Variants in PID1 observed in about 807,000 individuals in gnomAD.
The protein encoded by PID1 is PTB-containing, cubilin and LRP1-interacting protein.
Under a neutral mutation model 19.1 loss-of-function variants are expected in PID1, and 10 were observed. The ratio of observed to expected loss-of-function variants is 0.52; its 90% CI spans 0.32 to 0.89. The LOEUF (loss-of-function observed/expected upper bound fraction) is 0.89, where lower values mean the gene tolerates loss of function less well. PID1 is among the 40% of genes least tolerant of loss of function. PID1 has a pLI of 0.03. For missense variants in PID1, 248 were observed against 285.3 expected, an observed-to-expected ratio of 0.87 and a Z score of 0.94; for synonymous variants, 130 against 116.0, an observed-to-expected ratio of 1.12 and a Z score of -0.78.
intron 1 of PID1, among the ~76,000 whole-genome samples, chr2:229,241,504 T>A (rs17321741): frequency 6.6e-6 from 1 of 152,032 alleles, no homozygotes. Context: ...AGAAATCTGA[T>A]TGTTGCACAA....
chr2:229,111,077 C>G (rs1338331911), intron 2 of PID1, among the ~76,000 whole-genome samples: 8 of 152,190 alleles, frequency 5.3e-5, no homozygotes, highest in Non-Finnish European at 1.0e-4. Context: ...TTCTCATTCT[C>G]TCCCTTATCT....
intron 2 of PID1, among the ~76,000 whole-genome samples, chr2:229,137,884 G>A (rs1447796154): frequency 6.6e-6 from 1 of 152,120 alleles, no homozygotes; most frequent in Non-Finnish European, 1.5e-5. Flanking sequence ...TGAGACACTG[G>A]AATATTCACA....
intron 1 of PID1, among the ~76,000 whole-genome samples, chr2:229,160,056 T>C (rs570896376): frequency 2.6e-5 from 4 of 152,228 alleles, no homozygotes; most frequent in African/African-American, 9.6e-5. Flanking sequence ...TGGGGGTATC[T>C]CCCCTGTCTG....
At chr2:229,084,541 A>G (rs1694728170) in intron 2 of PID1, among the ~76,000 whole-genome samples, 1 of 152,164 alleles carries the variant, frequency 6.6e-6, no homozygotes, top group Non-Finnish European at 1.5e-5. Flanking sequence ...GTCTCATCCC[A>G]TCCTGCCAAG....
intron 2 of PID1, among the ~76,000 whole-genome samples, chr2:229,118,165 A>C (rs1222945671): frequency 2.0e-5 from 3 of 152,174 alleles, no homozygotes; most frequent in Admixed American, 2.0e-4. Flanking sequence ...TGATTTGTTC[A>C]TTATTTTTCT....
chr2:229,261,598 T>C (rs1690462154), intron 1 of PID1, among the ~76,000 whole-genome samples: 1 of 152,232 alleles, frequency 6.6e-6, no homozygotes, highest in African/African-American at 2.4e-5. Flanking sequence ...AGGTTTGTCA[T>C]GAAAGGATTA....
At chr2:229,240,120 A>C (rs1412930432) in intron 1 of PID1, among the ~76,000 whole-genome samples, 1 of 152,162 alleles carries the variant, frequency 6.6e-6, no homozygotes, top group Non-Finnish European at 1.5e-5. Flanking sequence ...AAAACGTCAC[A>C]TTTTCATTAT....
intron 1 of PID1, chr2:229,236,308 AG>A (rs1689671785): frequency 2.0e-5 from 3 of 152,174 alleles, no homozygotes; most frequent in Admixed American, 2.0e-4. Flanking sequence ...AAGAAGAGGG[AG>A]GAACAGGGGC....
intron 1 of PID1, among the ~76,000 whole-genome samples, chr2:229,253,479 A>T (rs1690207219): frequency 6.6e-6 from 1 of 152,092 alleles, no homozygotes; most frequent in Non-Finnish European, 1.5e-5. Flanking sequence ...ACCTTTCTCC[A>T]AAGATGGGCC....
chr2:229,145,147 A>ATGTGTGTGTG (rs560967818), intron 2 of PID1, among the ~76,000 whole-genome samples: 14,752 of 116,572 alleles, frequency 0.13, 982 homozygotes, highest in East Asian at 0.32. Flanking sequence ...GTTTAAATAT[A>ATGTGTGTGTG]TGTATGTGTA....
rs535308319 is a variant in PID1, at chr2:229,042,699, C to T, written c.178-16591G>A. On this transcript the variant is annotated intron_variant, in intron 2 of 2. Coordinates refer to ENST00000392055, the MANE Select transcript of PID1 (RefSeq NM_001100818.2). ...CAAAAGCTTTCAATGTCATATTCTA[C>T]CTTCTCTTTACAAAATAGAACCCAA... Among the ~76,000 whole-genome samples the T allele has an allele frequency of 2.0e-5, 3 of 152,242 alleles. No individual in the cohort carries two copies. The East Asian group carries it at 5.8e-4, about 29-fold the overall frequency.
intron 1 of PID1, chr2:229,232,176 C>A (rs1049785549): frequency 1.1e-5 from 15 of 1,389,030 alleles, no homozygotes; most frequent in Non-Finnish European, 1.1e-5. Context: ...GTAATCCCAG[C>A]ACTCTGGGAG....
intron 2 of PID1, among the ~76,000 whole-genome samples, chr2:229,041,271 C>T (rs1693765717): frequency 6.6e-6 from 1 of 152,064 alleles, no homozygotes; most frequent in Non-Finnish European, 1.5e-5. Context: ...GAGGAAAGTG[C>T]CCAAAGAATG....
chr2:229,081,317 G>C (rs1694664820), intron 2 of PID1, among the ~76,000 whole-genome samples: 1 of 152,142 alleles, frequency 6.6e-6, no homozygotes, highest in African/African-American at 2.4e-5. Context: ...AAGAAGCTTG[G>C]ACTCTTGCAG....
intron 1 of PID1, among the ~76,000 whole-genome samples, chr2:229,183,257 G>A (rs957349121): frequency 2.0e-5 from 3 of 152,316 alleles, no homozygotes; most frequent in African/African-American, 7.2e-5. Flanking sequence ...AAGCCAGGGA[G>A]AGGTATGGAA....
chr2:229,262,772 C>G (rs1284922441), intron 1 of PID1: 3 of 1,551,606 alleles, frequency 1.9e-6, no homozygotes, highest in Non-Finnish European at 2.6e-6. Context: ...CTCGACTCTT[C>G]TAACATCAGG....
intron 1 of PID1, among the ~76,000 whole-genome samples, chr2:229,226,262 C>A (rs879517605): frequency 2.6e-5 from 4 of 152,152 alleles, no homozygotes; most frequent in Admixed American, 1.3e-4. Context: ...AGATCTGTGG[C>A]CCAGTCCAAA....
At chr2:229,056,019 A>G (rs923269907) in intron 2 of PID1, among the ~76,000 whole-genome samples, 8 of 152,196 alleles carry the variant, frequency 5.3e-5, no homozygotes, top group Non-Finnish European at 1.2e-4. Flanking sequence ...TTAACCCTTC[A>G]TTAACCAGAA....
rs775656645 is a variant in PID1 at position 229,201,857 on chromosome 2, G to T, written c.31-45893C>A. Reference sequence around the variant, plus strand: ...TAGTATCTCACTAAAGTTTTTATTCGCATTTTCCTTATAATAAACCATATT... The same window carrying T: ...TAGTATCTCACTAAAGTTTTTATTCTCATTTTCCTTATAATAAACCATATT... On this transcript the variant is annotated intron_variant, in intron 1 of 2. Transcript: ENST00000392055. Among the ~76,000 whole-genome samples the T allele has an allele frequency of 2.0e-5, 3 of 151,720 alleles. No individual in the cohort carries two copies. The South Asian group carries it at 6.2e-4, about 32-fold the overall frequency.
Sources: allele counts gnomAD v4.1 joint callset (sites outside exome capture counted in the v4.1 genomes callset), GRCh38; gene constraint gnomAD v4.1.1; transcripts MANE v1.5; gene names NCBI Gene and HGNC (gene_info 2026-07-23, HGNC 2026-07-21).